TANC2: variants seen among roughly 807,000 people sequenced by gnomAD.
The protein encoded by TANC2 is tetratricopeptide repeat, ankyrin repeat and coiled-coil containing 2.
Under a neutral mutation model 210.5 loss-of-function variants are expected in TANC2, and 26 were observed. The ratio of observed to expected loss-of-function variants is 0.12; its 90% CI spans 0.09 to 0.17. TANC2 has a LOEUF of 0.17. Among genes scored for constraint, TANC2 ranks in the 10% least tolerant of loss-of-function variants. TANC2 has a pLI of 1.00. For synonymous variants in TANC2, 931 were observed against 967.1 expected, an observed-to-expected ratio of 0.96 and a Z score of 0.69; for missense variants, 2,129 against 2,608.9, an observed-to-expected ratio of 0.82 and a Z score of 4.01.
rs961026320 is a variant in TANC2, at chr17:63,170,442, A to G, written c.433+19062A>G. ...CAGAGCGAGATTCCATTTAAAAAAA[A>G]AAAAAAAAAGAAAGAAAATTATTTT... On this transcript the variant is annotated intron_variant, in intron 5 of 27. Transcript: ENST00000689528. 1.6e-4 allele frequency among the ~76,000 whole-genome samples: 25 copies of G among 152,012 alleles called. No homozygotes were observed. The South Asian group carries it at 4.1e-3, about 25-fold the overall frequency.
chr17:63,124,524 G>GA (rs767705541), intron 4 of TANC2, among the ~76,000 whole-genome samples: 2 of 152,198 alleles, frequency 1.3e-5, no homozygotes, highest in Non-Finnish European at 2.9e-5. Flanking sequence ...TCATTAAAGA[G>GA]GAGAAAGAAA....
At chr17:63,399,946 G>A (rs2147241825) in intron 19 of TANC2, among the ~76,000 whole-genome samples, 1 of 152,338 alleles carries the variant, frequency 6.6e-6, no homozygotes, top group South Asian at 2.1e-4. Flanking sequence ...CCTGGCAGCT[G>A]CAGCTTAAGA....
In TANC2 at chr17:63,187,818, G is replaced by GA. The variant is rs11419421; in HGVS notation, c.434-6164dup. ...CAAAGATGACAGCACACTTCTCTTT[G>GA]AAAAAAAAATTCAAGACAGAAGACA... On this transcript the variant is annotated intron_variant, in intron 5 of 27. Coordinates refer to ENST00000689528, the Ensembl canonical transcript of TANC2. Among the ~76,000 whole-genome samples, 881 of 150,608 alleles carry GA rather than the reference G, an allele frequency of 5.8e-3. 8 individuals carry two copies. Among genetic ancestry groups the GA allele is most frequent in the African/African-American group, 0.02 (812 of 41,150 alleles).
chr17:63,032,196 C>T (rs1333670679), intron 2 of TANC2, among the ~76,000 whole-genome samples: 2 of 152,134 alleles, frequency 1.3e-5, no homozygotes, highest in African/African-American at 4.8e-5. Context: ...AGTCCAGGCA[C>T]CCAGAGAAGG....
At chr17:63,019,278 C>T (rs1467026853) in intron 2 of TANC2, among the ~76,000 whole-genome samples, 3 of 152,194 alleles carry the variant, frequency 2.0e-5, no homozygotes, top group South Asian at 2.1e-4. Context: ...CATGCAGTGG[C>T]GTGATCATGA....
intron 8 of TANC2, among the ~76,000 whole-genome samples, chr17:63,248,119 G>T (rs1033145470): frequency 1.3e-5 from 2 of 151,984 alleles, no homozygotes; most frequent in African/African-American, 2.4e-5. Flanking sequence ...AAATGATTAC[G>T]TATCTAAACC....
rs1246379167 is a variant in TANC2 at position 63,375,366 on chromosome 17, GA to G, written c.2583-4349del. Among the ~76,000 whole-genome samples the G allele has an allele frequency of 3.3e-5, 5 of 152,348 alleles. No individual in the cohort carries two copies. The East Asian group carries it at 9.6e-4, about 29-fold the overall frequency. ...AGCAAGCAGTTATCTCTAGCCAGCT[GA>G]AATGAAGACTAGAGAAATGCAGACA... On this transcript the variant is annotated intron_variant, in intron 14 of 27. Transcript: ENST00000689528.
intron 1 of TANC2, among the ~76,000 whole-genome samples, chr17:62,981,088 A>C (rs931173428): frequency 6.6e-6 from 1 of 152,112 alleles, no homozygotes; most frequent in African/African-American, 2.4e-5. Context: ...GCTAGTACTT[A>C]ATGACTTTAA....
intron 8 of TANC2, among the ~76,000 whole-genome samples, chr17:63,247,815 A>G (rs886955573): frequency 6.6e-6 from 1 of 152,108 alleles, no homozygotes; most frequent in African/African-American, 2.4e-5. Flanking sequence ...ATTTCTTGTC[A>G]GTGTTGAACA....
intron 9 of TANC2, among the ~76,000 whole-genome samples, chr17:63,302,000 A>T (rs138084274): frequency 5.3e-5 from 8 of 152,284 alleles, no homozygotes; most frequent in African/African-American, 1.7e-4. Context: ...TTGGTTTCAG[A>T]GAACTTCTTG....
chr17:63,264,375 G>T (rs1414457753), intron 8 of TANC2, among the ~76,000 whole-genome samples: 1 of 152,182 alleles, frequency 6.6e-6, no homozygotes, highest in Non-Finnish European at 1.5e-5. Context: ...ACTGGGGGCA[G>T]TATTTCAGTT....
intron 2 of TANC2, among the ~76,000 whole-genome samples, chr17:63,056,411 C>G (rs932496598): frequency 2.6e-5 from 4 of 151,992 alleles, no homozygotes; most frequent in Non-Finnish European, 5.9e-5. Flanking sequence ...GGTGTGGTGA[C>G]TCACACCTGT....
intron 1 of TANC2, among the ~76,000 whole-genome samples, chr17:62,994,552 TC>T (rs1280504810): frequency 1.3e-5 from 2 of 152,184 alleles, no homozygotes; most frequent in Admixed American, 6.5e-5. Context: ...GTTGAGTATT[TC>T]TTTTTTAATC....
At chr17:62,998,825 A>G (rs1044388371) in intron 1 of TANC2, among the ~76,000 whole-genome samples, 3 of 152,242 alleles carry the variant, frequency 2.0e-5, no homozygotes, top group African/African-American at 7.2e-5. Context: ...GACAGTTGAC[A>G]CTGTAAAGCA....
intron 1 of TANC2, among the ~76,000 whole-genome samples, chr17:62,984,978 G>A (rs530014322): frequency 1.2e-4 from 18 of 152,158 alleles, no homozygotes; most frequent in Admixed American, 2.0e-4. Context: ...TTGGTCTGTG[G>A]TGTAGTTTAA....
chr17:63,147,886 A>C (rs1488586940), intron 4 of TANC2, among the ~76,000 whole-genome samples: 1 of 152,106 alleles, frequency 6.6e-6, no homozygotes, highest in African/African-American at 2.4e-5. Context: ...TACTACCCCC[A>C]TGCCTCAACA....
exon 10 of TANC2, chr17:63,314,423 T>C: frequency 1.2e-6 from 2 of 1,613,964 alleles, no homozygotes; most frequent in Non-Finnish European, 1.7e-6. Context: ...AGATATCTCC[T>C]TGAAGCCTCT....
At chr17:63,333,623 G>A (rs1476054473) in intron 11 of TANC2, among the ~76,000 whole-genome samples, 1 of 152,222 alleles carries the variant, frequency 6.6e-6, no homozygotes, top group Non-Finnish European at 1.5e-5. Flanking sequence ...AGTAGTGCCA[G>A]GGTTTGAGAG....
chr17:63,258,932 C>A (rs1220389265), intron 8 of TANC2, among the ~76,000 whole-genome samples: 1 of 152,158 alleles, frequency 6.6e-6, no homozygotes, highest in Admixed American at 6.5e-5. Flanking sequence ...TACACAGAGT[C>A]ACACCTAAGG....
Sources: gnomAD v4.1 joint callset for allele counts (sites outside exome capture counted in the v4.1 genomes callset) on GRCh38, gnomAD v4.1.1 for gene constraint, MANE v1.5 for transcripts, NCBI Gene and HGNC (gene_info 2026-07-23, HGNC 2026-07-21) for gene names.